The following SPATC1 variants were observed in gnomAD, a reference collection of about 807,000 sequenced individuals.
The protein encoded by SPATC1 is spermatogenesis and centriole associated 1, also known as speriolin.
A neutral mutation model predicts 36.5 loss-of-function variants in SPATC1; 35 were observed. The observed-to-expected ratio is 0.96, with a 90% confidence interval of 0.73 to 1.27. The LOEUF (loss-of-function observed/expected upper bound fraction) is 1.27. Among genes scored for constraint, SPATC1 ranks in the 50% most tolerant of loss-of-function variants. The pLI is 0.00. For missense variants in SPATC1, 779 were observed against 796.0 expected (o/e 0.98, Z 0.26); for synonymous variants, 361 against 353.6 (o/e 1.02, Z -0.24).
intron 1 of SPATC1, among the ~76,000 whole-genome samples, chr8:144,029,830 T>C (rs904132000): frequency 0.032 from 4,906 of 152,288 alleles, 284 homozygotes; most frequent in African/African-American, 0.11. Flanking sequence ...AGTTGGTTTA[T>C]AGAAAGGTTT....
intron 1 of SPATC1, among the ~76,000 whole-genome samples, chr8:144,038,120 T>C (rs1453603132): frequency 5.1e-5 from 7 of 138,006 alleles, no homozygotes; most frequent in African/African-American, 1.9e-4. Context: ...AGTGAGACTC[T>C]GTCTCAAAAA....
rs1046660174 is a variant in SPATC1 at position 144,016,761 on chromosome 8, G to C, written c.211+4035G>C. On this transcript the variant is annotated intron_variant, in intron 1 of 4. Transcript: ENST00000377470. The surrounding 1 kb of genome is among the most constrained non-coding windows in gnomAD (Gnocchi z 4.5). ...AGTGATTCTCCTGCCTGAGCCTCCC[G>C]AGTAGCTGGGACTACGGGCATGCAC... is the stretch of plus-strand genomic sequence containing the variant. Among the ~76,000 whole-genome samples, 1 of 151,954 alleles carries C rather than the reference G, an allele frequency of 6.6e-6. No individual in the cohort carries two copies.
At chr8:144,012,812 G>A (rs1027231651) in intron 1 of SPATC1, 86 bp downstream of exon 1, 3 of 1,388,676 alleles carry the variant, frequency 2.2e-6, no homozygotes, top group Non-Finnish European at 3.0e-6. Flanking sequence ...GGTCTCAGGA[G>A]GTCATGGAGG....
At chr8:144,032,688 G>C (rs1011209159) in intron 1 of SPATC1, among the ~76,000 whole-genome samples, 1 of 152,094 alleles carries the variant, frequency 6.6e-6, no homozygotes, top group East Asian at 1.9e-4. Context: ...CTTGTTATGG[G>C]TCATACTTGT....
At chr8:144,020,184 C>T (rs1159367063) in intron 1 of SPATC1, among the ~76,000 whole-genome samples, 2 of 151,902 alleles carry the variant, frequency 1.3e-5, no homozygotes, top group African/African-American at 2.4e-5. Context: ...GGACCCTCCC[C>T]GCTCAGGACC....
At position 144,040,945 on chromosome 8, in the gene SPATC1, C is replaced by G. The variant is rs1835074592; in HGVS notation, c.1144C>G (p.Pro382Ala). 1.2e-6 allele frequency: 2 copies of G among 1,607,206 alleles called. No individual in the cohort carries two copies. The highest frequency in any genetic ancestry group is 3.4e-5 in the Admixed American group (2 of 59,372). ...PTQNLPVPHC[P>A]PHNAHSPPRT... ...CCAGAACCTGCCTGTCCCCCACTGT[C>G]CTCCACACAACGCCCACTCCCCACC... The change falls in exon 3 of 5, where the codon CCT (proline) becomes GCT (alanine). Residue 382 changes from proline (P) to alanine (A), a missense_variant. Pro to Ala is a conservative substitution (Grantham distance 27). Transcript: ENST00000377470.
At chr8:144,034,996 CT>C (rs1834869822) in intron 1 of SPATC1, among the ~76,000 whole-genome samples, 1 of 152,200 alleles carries the variant, frequency 6.6e-6, no homozygotes, top group Non-Finnish European at 1.5e-5. Context: ...TCATTGTGTT[CT>C]CATATTTTCT....
chr8:144,043,833 G>A (rs184332184), intron 4 of SPATC1, among the ~76,000 whole-genome samples: 12 of 152,192 alleles, frequency 7.9e-5, no homozygotes, highest in East Asian at 5.8e-4. Context: ...CTCACTTGCC[G>A]TGGAGCCCGT....
intron 1 of SPATC1, among the ~76,000 whole-genome samples, chr8:144,015,666 C>G (rs1412170362): frequency 6.8e-6 from 1 of 147,812 alleles, no homozygotes; most frequent in Non-Finnish European, 1.5e-5. Context: ...GGCTTGCGCC[C>G]GCAAGGCAGA....
At position 144,028,463 on chromosome 8, in the gene SPATC1, C is replaced by A. The variant is rs927646745; in HGVS notation, c.212-11446C>A. Among the ~76,000 whole-genome samples, 831 of 152,258 alleles carry A rather than the reference C, an allele frequency of 5.5e-3. 5 individuals are homozygous for A. The highest frequency in any genetic ancestry group is 8.8e-3 in the Non-Finnish European group (599 of 68,020). ...GAACATATGAAAAAAAGCTCATCAT[C>A]ACTGGTTGTTAGAGAAATGCAAATC... On this transcript the variant is annotated intron_variant, in intron 1 of 4. Transcript: ENST00000377470.
intron 1 of SPATC1, among the ~76,000 whole-genome samples, chr8:144,036,567 G>A (rs1486948996): frequency 1.3e-5 from 2 of 152,000 alleles, no homozygotes; most frequent in Non-Finnish European, 2.9e-5. Context: ...CAAGCAATCT[G>A]CCCATCTCAG....
upstream of SPATC1, among the ~76,000 whole-genome samples, chr8:144,012,025 C>T (rs2133088661): frequency 6.6e-6 from 1 of 152,316 alleles, no homozygotes; most frequent in East Asian, 1.9e-4. Flanking sequence ...TTACTGTTTA[C>T]CTACAAACAT....
upstream of SPATC1, among the ~76,000 whole-genome samples, chr8:144,012,046 C>T (rs1834289608): frequency 6.6e-6 from 1 of 152,178 alleles, no homozygotes; most frequent in Admixed American, 6.5e-5. Context: ...TGTGCCAAGC[C>T]CTGTGCTGGA....
In SPATC1 at chr8:144,046,800, G is replaced by A. The variant is rs1444462704; in HGVS notation, c.1620G>A (p.Glu540=). Reference sequence around the variant, plus strand: ...ATGGCATCCTGCGAGAGCGCCCGGAGCTGGCGGCGTCTGAGGGCGGCCCCT... The same window carrying A: ...ATGGCATCCTGCGAGAGCGCCCGGAACTGGCGGCGTCTGAGGGCGGCCCCT... ...NAYGILRERP[E]LAASEGGPYT... The change falls in exon 5 of 5, where the codon GAG becomes GAA. Residue 540 remains glutamate (E), a synonymous_variant. Transcript: ENST00000377470. The surrounding 1 kb of genome is among the most constrained non-coding windows in gnomAD (Gnocchi z 6.6). The A allele has an allele frequency of 1.9e-6, 3 of 1,607,272 alleles. No homozygotes were observed. Among genetic ancestry groups the A allele is most frequent in the African/African-American group, 2.7e-5 (2 of 74,940 alleles).
At chr8:144,038,125 C>CAAAAAAAAA (rs369259902) in intron 1 of SPATC1, among the ~76,000 whole-genome samples, 2 of 100,772 alleles carry the variant, frequency 2.0e-5, no homozygotes, top group African/African-American at 8.3e-5. Context: ...GACTCTGTCT[C>CAAAAAAAAA]AAAAAAAAAA....
chr8:144,042,776 C>A (rs1322631065), intron 4 of SPATC1, among the ~76,000 whole-genome samples: 1 of 152,140 alleles, frequency 6.6e-6, no homozygotes, highest in Non-Finnish European at 1.5e-5. Context: ...GAATCCTGCA[C>A]TCTTGAGGAC....
intron 1 of SPATC1, among the ~76,000 whole-genome samples, chr8:144,036,011 C>G (rs1834891407): frequency 6.6e-6 from 1 of 152,200 alleles, no homozygotes; most frequent in African/African-American, 2.4e-5. Context: ...TGTGCTCCCT[C>G]TCCTTCACGT....
intron 1 of SPATC1, among the ~76,000 whole-genome samples, chr8:144,013,863 G>A (rs1223082158): frequency 6.6e-6 from 1 of 152,224 alleles, no homozygotes; most frequent in African/African-American, 2.4e-5. Context: ...GGCTGAGGCA[G>A]GAGAATCACT....
chr8:144,018,335 G>C (rs1834432509), intron 1 of SPATC1, among the ~76,000 whole-genome samples: 1 of 152,186 alleles, frequency 6.6e-6, no homozygotes, highest in South Asian at 2.1e-4. Context: ...AAAAGTCAGT[G>C]AGAAAATGGA....
Sources: gnomAD v4.1 joint callset for allele counts (sites outside exome capture counted in the v4.1 genomes callset) on GRCh38, gnomAD v4.1.1 for gene constraint, Gnocchi (gnomAD v3.1) non-coding constraint, MANE v1.5 for transcripts, NCBI Gene and HGNC (gene_info 2026-07-23, HGNC 2026-07-21) for gene names.